The following TTLL9 variants were observed in gnomAD, a reference collection of about 807,000 sequenced individuals.
TTLL9 encodes tubulin tyrosine ligase like 9, also known as probable tubulin polyglutamylase TTLL9.
Under a neutral mutation model 65.6 loss-of-function variants are expected in TTLL9, and 47 were observed. That is an observed-to-expected ratio of 0.72 (90% CI 0.57 to 0.91). TTLL9 has a LOEUF of 0.91. TTLL9 is among the 40% of genes least tolerant of loss of function. The probability of loss-of-function intolerance (pLI) is 0.00; values close to 1 mark genes in which losing one functional copy is unlikely to be tolerated. For synonymous variants in TTLL9, 179 were observed against 204.8 expected, an observed-to-expected ratio of 0.87 and a Z score of 1.07; for missense variants, 537 against 568.8, an observed-to-expected ratio of 0.94 and a Z score of 0.57.
intron 6 of TTLL9, among the ~76,000 whole-genome samples, chr20:31,912,866 T>C (rs2063678013): frequency 1.3e-5 from 2 of 152,092 alleles, no homozygotes; most frequent in Admixed American, 1.3e-4. Context: ...AACTTAAAAT[T>C]AATGATTGCA....
At chr20:31,931,081 T>C (rs2064000819) in intron 10 of TTLL9, among the ~76,000 whole-genome samples, 3 of 149,330 alleles carry the variant, frequency 2.0e-5, no homozygotes, top group African/African-American at 7.4e-5. Context: ...TCTTTTCCTT[T>C]TTTTTTTTTT....
intron 4 of TTLL9, among the ~76,000 whole-genome samples, chr20:31,908,035 G>A (rs547184315): frequency 1.3e-5 from 2 of 152,298 alleles, no homozygotes; most frequent in East Asian, 3.9e-4. Context: ...GCAGAGCTGG[G>A]TGTGGGTCCT....
chr20:31,922,906 A>G, intron 7 of TTLL9, 57 bp from the exon 8 acceptor site: 1 of 1,401,734 alleles, frequency 7.1e-7, no homozygotes. Context: ...CAGAATACCT[A>G]GTACACAGGA....
chr20:31,917,707 G>A (rs1471927888), intron 6 of TTLL9, among the ~76,000 whole-genome samples: 1 of 150,878 alleles, frequency 6.6e-6, no homozygotes, highest in Non-Finnish European at 1.5e-5. Flanking sequence ...ACTATTCTCA[G>A]GTAGTATATA....
chr20:31,936,627 C>T (rs974878985), intron 12 of TTLL9, among the ~76,000 whole-genome samples: 6 of 152,224 alleles, frequency 3.9e-5, no homozygotes, highest in Non-Finnish European at 5.9e-5. Context: ...CAGTCTCCAC[C>T]CCTCCCCACC....
chr20:31,879,719 A>C, intron 2 of TTLL9: 1 of 1,208,654 alleles, frequency 8.3e-7, no homozygotes. Flanking sequence ...TAGCCTCCAG[A>C]GGTTCTGGTG....
chr20:31,905,294 C>G (rs1457411926), intron 4 of TTLL9, among the ~76,000 whole-genome samples: 1 of 151,946 alleles, frequency 6.6e-6, no homozygotes, highest in Non-Finnish European at 1.5e-5. Context: ...AGGCTGGTCT[C>G]AAACTCCTGA....
chr20:31,922,037 G>A (rs1401423294), intron 7 of TTLL9, among the ~76,000 whole-genome samples: 1 of 152,148 alleles, frequency 6.6e-6, no homozygotes, highest in Non-Finnish European at 1.5e-5. Flanking sequence ...GGGAGGCTGA[G>A]GTGGGCAGAT....
chr20:31,898,088 A>G (rs926142939), intron 3 of TTLL9, among the ~76,000 whole-genome samples: 7 of 152,194 alleles, frequency 4.6e-5, no homozygotes, highest in Non-Finnish European at 8.8e-5. Flanking sequence ...TTTTATAGAT[A>G]GTATCTTGAG....
intron 10 of TTLL9, among the ~76,000 whole-genome samples, chr20:31,931,677 A>T (rs2064015288): frequency 6.6e-6 from 1 of 152,212 alleles, no homozygotes; most frequent in Non-Finnish European, 1.5e-5. Flanking sequence ...AGCACCTTTT[A>T]TGTGCTTGTG....
chr20:31,873,845 A>G (rs1025224237), intron 2 of TTLL9, among the ~76,000 whole-genome samples: 14 of 140,636 alleles, frequency 1.0e-4, no homozygotes, highest in Non-Finnish European at 1.5e-4. Flanking sequence ...AGAAAGAAAG[A>G]AAGAAAGAAA....
intron 3 of TTLL9, among the ~76,000 whole-genome samples, chr20:31,889,764 C>G (rs147575889): frequency 1.1e-3 from 170 of 149,068 alleles, no homozygotes; most frequent in African/African-American, 3.9e-3. Flanking sequence ...GTTATGAGGT[C>G]TCACTATGTT....
At chr20:31,886,829 A>G (rs536774245) in intron 2 of TTLL9, among the ~76,000 whole-genome samples, 26 of 152,266 alleles carry the variant, frequency 1.7e-4, no homozygotes, top group Middle Eastern at 3.4e-3. Flanking sequence ...AACAACAACA[A>G]CAACAACAAA....
chr20:31,887,153 G>C (rs564019172), intron 2 of TTLL9, 43 bp from the exon 3 acceptor site: 1 of 1,604,478 alleles, frequency 6.2e-7, no homozygotes, highest in South Asian at 1.1e-5. Flanking sequence ...AAACAGGGCA[G>C]ATATACAAAA....
In TTLL9 at chr20:31,939,189, A is replaced by G. The variant is rs202145784; in HGVS notation, c.1166A>G (p.Asn389Ser). 68 of 1,611,588 alleles carry G rather than the reference A, an allele frequency of 4.2e-5. No individual in the cohort carries two copies. Among genetic ancestry groups the G allele is most frequent in the Non-Finnish European group, 5.8e-5 (68 of 1,179,030 alleles). The change falls in exon 14 of 15, where the codon AAT becomes AGT. Residue 389 changes from asparagine (N) to serine (S), a missense_variant. Physicochemically the swap from Asn to Ser is conservative, Grantham distance 46 (BLOSUM62 1). Around this residue, in one of 3 missense-constraint regions of TTLL9, gnomAD observed 205 missense variants for 225.9 expected, o/e 0.91. Coordinates refer to ENST00000535842, the MANE Select transcript of TTLL9 (RefSeq NM_001008409.5). ...KRVGGFDLMW[N>S]DGPVSREEGA... is the part of the protein sequence containing the mutation. The stretch of plus-strand genomic sequence containing the variant: ...GTCGGGGGCTTTGACCTCATGTGGA[A>G]TGATGGCCCTGTTAGCAGAGAGGAG...
At chr20:31,921,069 G>T (rs1198498413) in intron 7 of TTLL9, among the ~76,000 whole-genome samples, 1 of 152,212 alleles carries the variant, frequency 6.6e-6, no homozygotes, top group African/African-American at 2.4e-5. Flanking sequence ...TTTCTAGAGG[G>T]ATGAAAATGG....
In TTLL9 at chr20:31,944,044, A is replaced by G. The variant is rs890127429; in HGVS notation, c.*1023A>G. The G allele has an allele frequency of 2.7e-5, 9 of 336,784 alleles. No homozygotes were observed. The highest frequency in any genetic ancestry group is 4.1e-5 in the Non-Finnish European group (7 of 168,964). The allele number at this position is 336,784 out of a possible 1,614,324, so 20.9% of individuals were successfully genotyped here. ...TGCCTAGGTCAAGCCCGAAGGGAAG[A>G]CTTTTGGAAGGAAAATACTGGCAAA... On this transcript the variant is annotated 3_prime_UTR_variant, in exon 15 of 15. Transcript: ENST00000535842.
At chr20:31,939,449 G>A (rs1328452901) in intron 14 of TTLL9, 183 bp downstream of exon 14, 2 of 576,214 alleles carry the variant, frequency 3.5e-6, no homozygotes, top group Non-Finnish European at 5.5e-6. Flanking sequence ...TTTCTAAAAA[G>A]TGAAAACTTT....
In TTLL9 at chr20:31,871,155, G is replaced by T; in HGVS notation, c.29G>T (p.Gly10Val). Residue 10 changes from glycine (G) to valine (V), a missense_variant, in exon 2 of 15, where the codon GGA becomes GTA. Gly to Val is a moderately radical substitution (Grantham distance 109, BLOSUM62 -3). This residue lies in a region of TTLL9 where 320 missense variants were observed against 311.0 expected (regional missense o/e 1.03). Coordinates refer to ENST00000535842, the MANE Select transcript of TTLL9 (RefSeq NM_001008409.5). Reference protein sequence around the residue: MVPSREALLGPGTTAIRCPK... With the variant: MVPSREALLVPGTTAIRCPK... ...GTGCCATCCAGGGAAGCTCTGCTGG[G>T]ACCAGGCACAACTGCCATTAGGTGC... is the stretch of plus-strand genomic sequence containing the variant. The T allele has an allele frequency of 6.2e-7, 1 of 1,614,158 alleles. No homozygotes were observed. Among genetic ancestry groups the T allele is most frequent in the Non-Finnish European group, 8.5e-7 (1 of 1,180,036 alleles).
Sources: gnomAD v4.1 joint callset for allele counts (sites outside exome capture counted in the v4.1 genomes callset) on GRCh38, gnomAD v4.1.1 for gene constraint, gnomAD v4.1.1 regional missense constraint, MANE v1.5 for transcripts, NCBI Gene and HGNC (gene_info 2026-07-23, HGNC 2026-07-21) for gene names.